Variants in SUZ12 observed in about 807,000 individuals in gnomAD.
SUZ12 encodes the protein polycomb protein SUZ12.
In SUZ12, 17 loss-of-function variants were observed where a neutral mutation model predicts 87.3. The ratio of observed to expected loss-of-function variants is 0.19; its 90% CI spans 0.13 to 0.29. SUZ12 has a LOEUF of 0.29. Among genes scored for constraint, SUZ12 ranks in the 10% least tolerant of loss-of-function variants. SUZ12 has a pLI of 1.00. For synonymous variants in SUZ12, 253 were observed against 312.4 expected, an observed-to-expected ratio of 0.81 and a Z score of 2.01; for missense variants, 526 against 912.2, an observed-to-expected ratio of 0.58 and a Z score of 5.45.
rs1218403941 is a variant in SUZ12, at chr17:31,957,973, G to A, written c.456-8174G>A. ...GCTGGAGTTCAGTGGCGCAATCTCC[G>A]CTCACTGCAAGTTCTGCCTCCCGGG... is the stretch of plus-strand genomic sequence containing the variant. On this transcript the variant is annotated intron_variant, in intron 4 of 15. Transcript: ENST00000322652. 3.8e-5 allele frequency among the ~76,000 whole-genome samples: 5 copies of A among 132,960 alleles called. No homozygotes were observed. In the East Asian group the frequency reaches 1.0e-3, roughly 27 times the overall value. The allele number at this position is 132,960 out of a possible 152,430, so 87.2% of individuals were successfully genotyped here. A position where few individuals can be genotyped will look rare whatever the true frequency, so the allele number is the denominator to read the frequency against.
chr17:31,965,324 G>C (rs990000113), intron 4 of SUZ12, among the ~76,000 whole-genome samples: 52 of 152,284 alleles, frequency 3.4e-4, no homozygotes, highest in African/African-American at 1.2e-3. Flanking sequence ...GCTCAGGAGA[G>C]TTATGAATGT....
intron 4 of SUZ12, among the ~76,000 whole-genome samples, chr17:31,949,662 C>T (rs1253413837): frequency 7.0e-5 from 1 of 14,246 alleles, no homozygotes; most frequent in African/African-American, 3.6e-4. Flanking sequence ...CACACCCAGC[C>T]CCCCCCCCCC....
intron 8 of SUZ12, among the ~76,000 whole-genome samples, 164 bp from the exon 9 acceptor site, chr17:31,982,835 C>A (rs573461454): frequency 5.9e-4 from 90 of 152,110 alleles, no homozygotes; most frequent in Non-Finnish European, 1.1e-3. Flanking sequence ...ATTAAAATTG[C>A]TTTCATCAGG....
chr17:31,979,016 G>C (rs1312371906), intron 8 of SUZ12, among the ~76,000 whole-genome samples: 1 of 145,748 alleles, frequency 6.9e-6, no homozygotes, highest in Non-Finnish European at 1.5e-5. Flanking sequence ...TGAGGCAGGA[G>C]AATCGCTTGA....
intron 3 of SUZ12, among the ~76,000 whole-genome samples, chr17:31,945,649 G>A (rs747213631): frequency 2.2e-4 from 33 of 152,114 alleles, no homozygotes; most frequent in Admixed American, 4.6e-4. Context: ...GTTGGGGGAG[G>A]AGCAGCTTTT....
intron 4 of SUZ12, among the ~76,000 whole-genome samples, chr17:31,948,039 A>G (rs2142129516): frequency 1.3e-5 from 2 of 152,258 alleles, no homozygotes; most frequent in Admixed American, 6.5e-5. Context: ...GTACTGTGGC[A>G]GGGACTTCAC....
At chr17:31,942,737 T>G (rs1163500464) in intron 3 of SUZ12, among the ~76,000 whole-genome samples, 1 of 152,120 alleles carries the variant, frequency 6.6e-6, no homozygotes, top group Non-Finnish European at 1.5e-5. Flanking sequence ...TAAAGTGGGG[T>G]CTGGAGGTGG....
chr17:31,998,580 CTT>C, intron 15 of SUZ12, 76 bp from the exon 16 acceptor site: 1 of 1,002,122 alleles, frequency 1.0e-6, no homozygotes, highest in Non-Finnish European at 1.4e-6. Flanking sequence ...TGGATATAGT[CTT>C]ATTATAATGG....
chr17:31,955,054 A>G (rs188734315), intron 4 of SUZ12, among the ~76,000 whole-genome samples: 1 of 152,292 alleles, frequency 6.6e-6, no homozygotes, highest in East Asian at 1.9e-4. Flanking sequence ...TGATAGGTTC[A>G]TAGCTTACTG....
intron 1 of SUZ12, among the ~76,000 whole-genome samples, chr17:31,939,754 G>A (rs1462378310): frequency 1.3e-5 from 2 of 152,026 alleles, no homozygotes; most frequent in Non-Finnish European, 1.5e-5. Context: ...TCGAACTCCC[G>A]ACCTTAGGTG....
intron 4 of SUZ12, among the ~76,000 whole-genome samples, chr17:31,948,725 G>A (rs1906779221): frequency 1.3e-5 from 2 of 152,210 alleles, no homozygotes; most frequent in Admixed American, 1.3e-4. Flanking sequence ...TGGGGTTGAA[G>A]TATAATTTAT....
At chr17:31,957,071 G>A (rs1408065584) in intron 4 of SUZ12, among the ~76,000 whole-genome samples, 2 of 152,090 alleles carry the variant, frequency 1.3e-5, no homozygotes, top group Non-Finnish European at 2.9e-5. Flanking sequence ...CAGCGTGCCT[G>A]GCCTTATTTT....
At chr17:31,983,231 C>T in intron 9 of SUZ12, 127 bp downstream of exon 9, 1 of 657,064 alleles carries the variant, frequency 1.5e-6, no homozygotes, top group Non-Finnish European at 2.5e-6. Context: ...TTAAAAAACA[C>T]AAGTAAATGA....
chr17:31,959,622 C>T (rs1907576014), intron 4 of SUZ12, among the ~76,000 whole-genome samples: 1 of 152,216 alleles, frequency 6.6e-6, no homozygotes, highest in Admixed American at 6.5e-5. Flanking sequence ...TGAGGTAATA[C>T]TGCCATGCCC....
intron 3 of SUZ12, among the ~76,000 whole-genome samples, chr17:31,943,170 T>A (rs1235089875): frequency 6.6e-6 from 1 of 151,980 alleles, no homozygotes; most frequent in Non-Finnish European, 1.5e-5. Context: ...AAAAAGGAGG[T>A]GATGAATTAG....
intron 4 of SUZ12, chr17:31,963,897 T>C (rs368823402): frequency 0.07 from 10,598 of 151,362 alleles, no homozygotes; most frequent in African/African-American, 0.23. Context: ...GCTTAGCTTT[T>C]GAGATTTGGC....
intron 13 of SUZ12, among the ~76,000 whole-genome samples, chr17:31,995,221 A>C (rs1371933798): frequency 6.6e-6 from 1 of 152,240 alleles, no homozygotes; most frequent in Non-Finnish European, 1.5e-5. Context: ...TGCTTTGTGA[A>C]TATACATGAG....
chr17:31,978,772 T>A lies in SUZ12; in HGVS notation c.917+2158T>A, dbSNP rs184825724. Reference sequence around the variant, plus strand: ...TAATGCTTTTATTTTAAAGAAAAAGTGCCAAGAAGAAACTGGGAGAATTTC... The same window carrying A: ...TAATGCTTTTATTTTAAAGAAAAAGAGCCAAGAAGAAACTGGGAGAATTTC... On this transcript the variant is annotated intron_variant, in intron 8 of 15. Coordinates refer to ENST00000322652, the MANE Select transcript of SUZ12 (RefSeq NM_015355.4). Among the ~76,000 whole-genome samples, 466 of 152,176 alleles carry A rather than the reference T, an allele frequency of 3.1e-3. 11 individuals carry two copies. Among genetic ancestry groups the A allele is most frequent in the Admixed American group, 0.027 (420 of 15,286 alleles).
Position 31,999,093 on chromosome 17 carries a change from T to C in SUZ12, c.*90T>C, listed in dbSNP as rs1000421702. 2 of 1,145,362 alleles carry C rather than the reference T, an allele frequency of 1.7e-6. No individual in the cohort carries two copies. Among genetic ancestry groups the C allele is most frequent in the South Asian group, 3.7e-5 (2 of 54,350 alleles). 70.9% of individuals were successfully genotyped at this position (1,145,362 alleles called of 1,614,324 possible). A position where few individuals can be genotyped will look rare whatever the true frequency, so the allele number is the denominator to read the frequency against. On this transcript the variant is annotated 3_prime_UTR_variant, in exon 16 of 16. Coordinates refer to ENST00000322652, the MANE Select transcript of SUZ12 (RefSeq NM_015355.4). The stretch of plus-strand genomic sequence containing the variant: ...AATTATGTTTTTGTTTTTAATCATA[T>C]GTTCCAAACAGGCACTGTTAGATGA...
Sources: gnomAD v4.1 joint callset for allele counts (sites outside exome capture counted in the v4.1 genomes callset) on GRCh38, gnomAD v4.1.1 for gene constraint, MANE v1.5 for transcripts, NCBI Gene and HGNC (gene_info 2026-07-23, HGNC 2026-07-21) for gene names.